HHIP: variants seen among roughly 807,000 people sequenced by gnomAD.
HHIP encodes hedgehog interacting protein, also known as hedgehog-interacting protein.
Under a neutral mutation model 74.0 loss-of-function variants are expected in HHIP, and 12 were observed. The observed-to-expected ratio is 0.16, with a 90% confidence interval of 0.10 to 0.26. The LOEUF (loss-of-function observed/expected upper bound fraction) is 0.26, where lower values mean the gene tolerates loss of function less well. Ranked by LOEUF, HHIP falls within the 10% of genes least tolerant of loss-of-function variation. The pLI is 1.00. For synonymous variants in HHIP, 309 were observed against 311.6 expected, an observed-to-expected ratio of 0.99 and a Z score of 0.09; for missense variants, 788 against 845.0, an observed-to-expected ratio of 0.93 and a Z score of 0.84.
chr4:144,731,953 A>C (rs540998128), intron 11 of HHIP, among the ~76,000 whole-genome samples: 1 of 152,244 alleles, frequency 6.6e-6, no homozygotes, highest in East Asian at 1.9e-4. Flanking sequence ...TCTTATCCTC[A>C]GTGGTCTGTG....
At chr4:144,678,414 T>A (rs1341860115) in intron 4 of HHIP, among the ~76,000 whole-genome samples, 1 of 152,188 alleles carries the variant, frequency 6.6e-6, no homozygotes, top group Non-Finnish European at 1.5e-5. Context: ...TATTACACTT[T>A]AAGTTCTGGG....
chr4:144,650,435 A>C (rs1728385791), intron 1 of HHIP, among the ~76,000 whole-genome samples: 1 of 152,240 alleles, frequency 6.6e-6, no homozygotes, highest in Middle Eastern at 3.4e-3. Flanking sequence ...AATTAGCTTA[A>C]ATTTCTTCTT....
chr4:144,694,537 A>G (rs1729763404), intron 4 of HHIP, among the ~76,000 whole-genome samples: 1 of 151,876 alleles, frequency 6.6e-6, no homozygotes, highest in African/African-American at 2.4e-5. Flanking sequence ...TTTTAGCTGC[A>G]TGACCAGCAT....
At chr4:144,720,064 T>A (rs115083136) in intron 11 of HHIP, among the ~76,000 whole-genome samples, 7 of 152,212 alleles carry the variant, frequency 4.6e-5, no homozygotes, top group Non-Finnish European at 1.0e-4. Context: ...CAGTATCACA[T>A]ATCACATATC....
At position 144,646,897 on chromosome 4, in the gene HHIP, T is replaced by G. The variant is rs1323593793; in HGVS notation, c.222T>G (p.Pro74=). The G allele has an allele frequency of 1.9e-6, 3 of 1,613,918 alleles. No individual in the cohort carries two copies. The highest frequency in any genetic ancestry group is 1.7e-5 in the Admixed American group (1 of 59,996). The stretch of plus-strand genomic sequence containing the variant: ...AGATGCTGTGCGGTGGCTTCTACCC[T>G]CGGCTGTCCTGCTGCCTGCGGAGTG... ...GGEMLCGGFY[P]RLSCCLRSDS... is the part of the protein sequence containing the mutation. Residue 74 remains proline, a synonymous_variant, in exon 1 of 13, where the codon CCT becomes CCG. Transcript: ENST00000296575.
intron 4 of HHIP, among the ~76,000 whole-genome samples, chr4:144,700,849 T>G (rs1246220442): frequency 6.6e-6 from 1 of 152,206 alleles, no homozygotes; most frequent in Non-Finnish European, 1.5e-5. Context: ...TGGTAAATTT[T>G]CATAGCAGCA....
At chr4:144,680,686 T>C (rs1451449494) in intron 4 of HHIP, among the ~76,000 whole-genome samples, 1 of 152,234 alleles carries the variant, frequency 6.6e-6, no homozygotes. Flanking sequence ...AGAATGATTA[T>C]TGGACTTCTT....
intron 1 of HHIP, among the ~76,000 whole-genome samples, chr4:144,651,902 G>A (rs1360097197): frequency 2.0e-5 from 3 of 151,916 alleles, no homozygotes; most frequent in African/African-American, 4.8e-5. Context: ...AAAGCACTTC[G>A]TTAAACTCTT....
chr4:144,670,198 C>T (rs1357732255), intron 4 of HHIP, among the ~76,000 whole-genome samples: 1 of 151,240 alleles, frequency 6.6e-6, no homozygotes, highest in African/African-American at 2.4e-5. Flanking sequence ...CAGTCGCTCA[C>T]GCCTGTAATC....
chr4:144,710,324 T>C (rs1730258494), intron 7 of HHIP, among the ~76,000 whole-genome samples: 2 of 152,216 alleles, frequency 1.3e-5, no homozygotes, highest in Non-Finnish European at 2.9e-5. Flanking sequence ...TCATGATCCC[T>C]GCCAGGCATT....
chr4:144,658,692 G>T, intron 2 of HHIP, 98 bp from the exon 3 acceptor site: 2 of 988,248 alleles, frequency 2.0e-6, no homozygotes, highest in Non-Finnish European at 3.0e-6. Context: ...TATCCACCTA[G>T]TTTCCCAAAA....
At chr4:144,675,351 A>G (rs72948473) in intron 4 of HHIP, among the ~76,000 whole-genome samples, 6,177 of 152,236 alleles carry the variant, frequency 0.041, 427 homozygotes, top group African/African-American at 0.14. Context: ...TAGTTATTGA[A>G]GACAAATCTT....
rs560788008 is a variant in HHIP at position 144,739,564 on chromosome 4, A to G, written c.*1607A>G. On this transcript the variant is annotated 3_prime_UTR_variant, in exon 13 of 13. Coordinates refer to ENST00000296575, the MANE Select transcript of HHIP (RefSeq NM_022475.3). ...CAATTAAAGCCCAGTAAGCATTTATATAGAAGCCACAATGTAGAAAGATTG... is the reference window on the plus strand; with the variant it reads ...CAATTAAAGCCCAGTAAGCATTTATGTAGAAGCCACAATGTAGAAAGATTG... 1 of 152,368 alleles carries G rather than the reference A, an allele frequency of 6.6e-6. No homozygotes were observed. Among genetic ancestry groups the G allele is most frequent in the South Asian group, 2.1e-4 (1 of 4,832 alleles). The allele number at this position is 152,368 out of a possible 1,614,324, so 9.4% of individuals were successfully genotyped here. A position where few individuals can be genotyped will look rare whatever the true frequency, so the allele number is the denominator to read the frequency against.
chr4:144,660,520 T>C (rs2126590243), intron 4 of HHIP, among the ~76,000 whole-genome samples: 1 of 152,242 alleles, frequency 6.6e-6, no homozygotes, highest in South Asian at 2.1e-4. Context: ...TCATGCCTAT[T>C]TTAGAATGAA....
chr4:144,718,678 T>C (rs187385006), intron 10 of HHIP, among the ~76,000 whole-genome samples, 197 bp from the exon 11 acceptor site: 12 of 152,152 alleles, frequency 7.9e-5, no homozygotes, highest in African/African-American at 2.9e-4. Context: ...TAGTGGGATA[T>C]GGAAAGGAGT....
intron 12 of HHIP, among the ~76,000 whole-genome samples, chr4:144,735,149 A>C (rs1731076469): frequency 1.3e-5 from 2 of 152,302 alleles, no homozygotes; most frequent in South Asian, 4.1e-4. Context: ...AAAAGTAAAA[A>C]ATGCAAATAG....
rs115635431 is a variant in HHIP, at chr4:144,695,694, T to C, written c.832-10837T>C. On this transcript the variant is annotated intron_variant, in intron 4 of 12. Transcript: ENST00000296575. Reference sequence around the variant, plus strand: ...TATATATTTTAATGAAAAAACGATATTTCTACAATAGCAAAGTTATGGGTG... The same window carrying C: ...TATATATTTTAATGAAAAAACGATACTTCTACAATAGCAAAGTTATGGGTG... 3.1e-3 allele frequency among the ~76,000 whole-genome samples: 470 copies of C among 152,014 alleles called. 3 individuals carry two copies. The highest frequency in any genetic ancestry group is 0.011 in the African/African-American group (452 of 41,552).
At chr4:144,658,210 G>A (rs1429762619) in intron 2 of HHIP, among the ~76,000 whole-genome samples, 1 of 152,012 alleles carries the variant, frequency 6.6e-6, no homozygotes, top group African/African-American at 2.4e-5. Flanking sequence ...CAAGATAAAT[G>A]CTGAGTTTGT....
At chr4:144,653,287 A>G (rs1728472935) in intron 2 of HHIP, among the ~76,000 whole-genome samples, 1 of 152,150 alleles carries the variant, frequency 6.6e-6, no homozygotes, top group Admixed American at 6.5e-5. Flanking sequence ...TAAAATGACT[A>G]ATTTTCTCCT....
Sources: allele counts gnomAD v4.1 joint callset (sites outside exome capture counted in the v4.1 genomes callset), GRCh38; gene constraint gnomAD v4.1.1; transcripts MANE v1.5; gene names NCBI Gene and HGNC (gene_info 2026-07-23, HGNC 2026-07-21).